The following RBM23 variants were observed in gnomAD, a reference collection of about 807,000 sequenced individuals.
RBM23 encodes RNA binding motif protein 23.
In RBM23, 53 loss-of-function variants were observed where a neutral mutation model predicts 56.2. That is an observed-to-expected ratio of 0.94 (90% CI 0.76 to 1.19). RBM23 has a LOEUF of 1.19. Ranked by LOEUF, RBM23 falls within the 50% of genes most tolerant of loss-of-function variation. The probability of loss-of-function intolerance (pLI) is 0.00; values close to 1 mark genes in which losing one functional copy is unlikely to be tolerated. For missense variants in RBM23, 642 were observed against 590.3 expected (o/e 1.09, Z -0.91); for synonymous variants, 197 against 198.5 (o/e 0.99, Z 0.06).
intron 2 of RBM23, among the ~76,000 whole-genome samples, chr14:22,910,432 A>G (rs2042280242): frequency 8.3e-6 from 1 of 120,664 alleles, no homozygotes; most frequent in Admixed American, 9.9e-5. Flanking sequence ...AGCCTGGGCA[A>G]TGAGTGAAAC....
chr14:22,906,127 T>G (rs2041500887), intron 5 of RBM23, 68 bp downstream of exon 5: 1 of 1,554,384 alleles, frequency 6.4e-7, no homozygotes, highest in Non-Finnish European at 8.8e-7. Context: ...TCAAGCAGGG[T>G]TCATAGTGCA....
chr14:22,911,178 C>T (rs2042455464), intron 2 of RBM23, 150 bp downstream of exon 2: 1 of 682,460 alleles, frequency 1.5e-6, no homozygotes, highest in Admixed American at 2.3e-5. Context: ...TCCAGCAAAG[C>T]TTACTAAGAC....
Position 22,911,341 on chromosome 14 carries a change from T to C in RBM23, c.53A>G (p.Tyr18Cys), listed in dbSNP as rs569549018. The change falls in exon 2 of 14, where the codon TAT becomes TGT. Residue 18 changes from tyrosine to cysteine, a missense_variant. Tyr to Cys is a radical substitution (Grantham distance 194). Coordinates refer to ENST00000359890, the MANE Select transcript of RBM23 (RefSeq NM_001077351.2). The part of the protein sequence containing the change: ...IVIEAMLEAP[Y>C]KKEEDEQQRK... ...GGAAAATATTACCTCTTCTTTTTTA[T>C]AGGGAGCTTCCAGCATGGCCTCAAT... The C allele has an allele frequency of 1.8e-5, 29 of 1,613,596 alleles. No individual in the cohort carries two copies. The highest frequency in any genetic ancestry group is 2.2e-5 in the Non-Finnish European group (26 of 1,179,744).
intron 4 of RBM23, among the ~76,000 whole-genome samples, chr14:22,908,105 C>T (rs915173383): frequency 6.6e-6 from 1 of 152,130 alleles, no homozygotes; most frequent in African/African-American, 2.4e-5. Flanking sequence ...ACTGCAACCT[C>T]GAACTCCTGG....
chr14:22,909,682 G>T, intron 2 of RBM23, 87 bp from the exon 3 acceptor site: 1 of 981,310 alleles, frequency 1.0e-6, no homozygotes, highest in Non-Finnish European at 1.6e-6. Context: ...GGTGGACAAG[G>T]AATAAATCAA....
At chr14:22,905,767 T>C (rs2041429921) in intron 5 of RBM23, 108 bp from the exon 6 acceptor site, 1 of 887,616 alleles carries the variant, frequency 1.1e-6, no homozygotes, top group East Asian at 2.6e-5. Flanking sequence ...ATTGTTTTTT[T>C]AAGACAGGGT....
chr14:22,916,412 A>G (rs2043506260), intron 1 of RBM23, among the ~76,000 whole-genome samples: 1 of 149,606 alleles, frequency 6.7e-6, no homozygotes. Context: ...GTGCACTATG[A>G]TGCCAGGCTA....
chr14:22,897,986 A>G lies in RBM23; in HGVS notation c.*3744T>C, dbSNP rs1487222663. On this transcript the variant is annotated 3_prime_UTR_variant, in exon 14 of 14. Coordinates refer to ENST00000359890, the MANE Select transcript of RBM23 (RefSeq NM_001077351.2). The stretch of plus-strand genomic sequence containing the variant: ...TGCATAAATGTTAACAATGACCATT[A>G]TGCCACCTCCTGTCACCTCACCTTT... 2 of 152,260 alleles carry G rather than the reference A, an allele frequency of 1.3e-5. No individual in the cohort carries two copies. The highest frequency in any genetic ancestry group is 1.3e-4 in the Admixed American group (2 of 15,290). 9.4% of individuals were successfully genotyped at this position (152,260 alleles called of 1,614,324 possible). A position where few individuals can be genotyped will look rare whatever the true frequency, so the allele number is the denominator to read the frequency against.
chr14:22,903,088 T>C, intron 10 of RBM23: 1 of 985,414 alleles, frequency 1.0e-6, no homozygotes, highest in Non-Finnish European at 1.2e-6. Flanking sequence ...GGCCAAATTT[T>C]AGTTAAGTAC....
intron 3 of RBM23, chr14:22,908,672 G>A (rs2041978513): frequency 3.4e-6 from 1 of 293,776 alleles, no homozygotes; most frequent in Admixed American, 5.0e-5. Context: ...GGGATTACAT[G>A]CATGAGCCCC....
intron 1 of RBM23, chr14:22,917,613 T>C (rs1425012427): frequency 6.6e-6 from 1 of 151,804 alleles, no homozygotes; most frequent in Non-Finnish European, 1.5e-5. Flanking sequence ...GGTTTCGCCG[T>C]GTTAGCCAGG....
At chr14:22,914,611 T>G (rs967611947) in intron 1 of RBM23, among the ~76,000 whole-genome samples, 2 of 151,900 alleles carry the variant, frequency 1.3e-5, no homozygotes, top group African/African-American at 2.4e-5. Context: ...TAAATGTACC[T>G]CAATCATGCC....
chr14:22,904,378 A>G (rs1402072786), intron 9 of RBM23, 52 bp from the exon 10 acceptor site: 3 of 1,485,616 alleles, frequency 2.0e-6, no homozygotes, highest in South Asian at 2.3e-5. Context: ...CCACATCTTC[A>G]ATCTTTCCTA....
At chr14:22,907,557 A>G (rs1284072943) in intron 4 of RBM23, among the ~76,000 whole-genome samples, 1 of 152,246 alleles carries the variant, frequency 6.6e-6, no homozygotes, top group Non-Finnish European at 1.5e-5. Context: ...CACATACCAG[A>G]AACTACATAC....
chr14:22,904,251 A>G lies in RBM23; in HGVS notation c.930+10T>C, dbSNP rs544078655. 2.1e-5 allele frequency: 34 copies of G among 1,614,070 alleles called. No homozygotes were observed. Among genetic ancestry groups the G allele is most frequent in the East Asian group, 2.0e-4 (9 of 44,876 alleles). On this transcript the variant is annotated intron_variant, in intron 10 of 13. Coordinates refer to ENST00000359890, the MANE Select transcript of RBM23 (RefSeq NM_001077351.2). ...AGTAAAATAAAAAAATTAAAAGACT[A>G]GAGACTCACCGTGATGAAACCATAA...
At chr14:22,911,293 T>G in intron 2 of RBM23, 35 bp downstream of exon 2, 1 of 1,575,310 alleles carries the variant, frequency 6.3e-7, no homozygotes, top group South Asian at 1.1e-5. Context: ...TCTTTCTCAT[T>G]AACCCAATTC....
In RBM23 at chr14:22,900,701, T is replaced by C. The variant is rs2040377318; in HGVS notation, c.*1029A>G. On this transcript the variant is annotated 3_prime_UTR_variant, in exon 14 of 14. Coordinates refer to ENST00000359890, the MANE Select transcript of RBM23 (RefSeq NM_001077351.2). Reference sequence around the variant, plus strand: ...CATCATAAGTTGGGCTAATGAGAAGTTGTCAGACACACAACAAAGACCACA... The same window carrying C: ...CATCATAAGTTGGGCTAATGAGAAGCTGTCAGACACACAACAAAGACCACA... 6.6e-6 allele frequency: 1 copy of C among 152,138 alleles called. No homozygotes were observed. Among genetic ancestry groups the C allele is most frequent in the Admixed American group, 6.5e-5 (1 of 15,268 alleles). 9.4% of individuals were successfully genotyped at this position (152,138 alleles called of 1,614,324 possible).
In RBM23 at chr14:22,897,393, G is replaced by A. The variant is rs2040264281; in HGVS notation, c.*4337C>T. The stretch of plus-strand genomic sequence containing the variant: ...TCAACTCCACCTAGGAAAGCTTCAG[G>A]GTCTTAAAGGACAGGACTTTGATCA... On this transcript the variant is annotated 3_prime_UTR_variant, in exon 14 of 14. Coordinates refer to ENST00000359890, the MANE Select transcript of RBM23 (RefSeq NM_001077351.2). The A allele has an allele frequency of 6.6e-6, 1 of 152,096 alleles. No homozygotes were observed. Among genetic ancestry groups the A allele is most frequent in the Admixed American group, 6.6e-5 (1 of 15,264 alleles). The allele number at this position is 152,096 out of a possible 1,614,324, so 9.4% of individuals were successfully genotyped here.
In RBM23 at chr14:22,901,410, A is replaced by G. The variant is rs529521671; in HGVS notation, c.*320T>C. On this transcript the variant is annotated 3_prime_UTR_variant, in exon 14 of 14. Transcript: ENST00000359890. ...TGCCCTATGGCCTTCCCAATGGGGG[A>G]GAAATTGAGGAATCACTAAGGTGTT... is the stretch of plus-strand genomic sequence containing the variant. 6 of 482,548 alleles carry G rather than the reference A, an allele frequency of 1.2e-5. No homozygotes were observed. In the Admixed American group the frequency reaches 1.8e-4, roughly 14 times the overall value. The allele number at this position is 482,548 out of a possible 1,614,324, so 29.9% of individuals were successfully genotyped here.
Sources: allele counts gnomAD v4.1 joint callset (sites outside exome capture counted in the v4.1 genomes callset), GRCh38; gene constraint gnomAD v4.1.1; transcripts MANE v1.5; gene names NCBI Gene and HGNC (gene_info 2026-07-23, HGNC 2026-07-21).